Variants in MBNL1 observed in about 807,000 individuals in gnomAD.
MBNL1 encodes muscleblind-like protein 1.
MBNL1 carries 8 observed loss-of-function variants against 42.2 expected under a neutral mutation model. That is an observed-to-expected ratio of 0.19 (90% confidence interval 0.11 to 0.34). The LOEUF (loss-of-function observed/expected upper bound fraction) is 0.34. Among genes scored for constraint, MBNL1 ranks in the 10% least tolerant of loss-of-function variants. The pLI is 1.00. For synonymous variants in MBNL1, 169 were observed against 173.9 expected (o/e 0.97, Z 0.22); for missense variants, 309 against 495.3 (o/e 0.62, Z 3.57).
At chr3:152,340,687 A>G in intron 2 of MBNL1, 4 of 1,614,064 alleles carry the variant, frequency 2.5e-6, no homozygotes, top group Non-Finnish European at 3.4e-6. Context: ...ATACCTAGCA[A>G]GATCCCAGAT....
intron 2 of MBNL1, among the ~76,000 whole-genome samples, chr3:152,392,603 G>A (rs1268234080): frequency 6.6e-6 from 1 of 152,162 alleles, no homozygotes; most frequent in Non-Finnish European, 1.5e-5. Flanking sequence ...AATAATACAT[G>A]TCTGTTTTAA....
intron 3 of MBNL1, among the ~76,000 whole-genome samples, chr3:152,428,208 C>T (rs1412391350): frequency 6.6e-6 from 1 of 152,040 alleles, no homozygotes; most frequent in Non-Finnish European, 1.5e-5. Context: ...GTTTCTGTGG[C>T]AGAGAAAAGC....
chr3:152,278,951 A>C (rs563383406), intron 1 of MBNL1, among the ~76,000 whole-genome samples: 2 of 152,260 alleles, frequency 1.3e-5, no homozygotes, highest in South Asian at 4.1e-4. Flanking sequence ...TTAGTACCAA[A>C]GGAGGAAACT....
chr3:152,382,982 G>C lies in MBNL1; in HGVS notation c.175-31959G>C, dbSNP rs1224596604. On this transcript the variant is annotated intron_variant, in intron 2 of 9. Transcript: ENST00000324210. ...AGATTTTTCTTCCAGCTCAAAACCA[G>C]GAGAAAGGAAGACCTGCCTGATTCC... 2.0e-5 allele frequency among the ~76,000 whole-genome samples: 3 copies of C among 152,044 alleles called. 1 individual carries two copies. Among genetic ancestry groups the C allele is most frequent in the Admixed American group, 1.3e-4 (2 of 15,242 alleles).
At chr3:152,415,606 A>G (rs2098686968) in intron 3 of MBNL1, among the ~76,000 whole-genome samples, 1 of 152,222 alleles carries the variant, frequency 6.6e-6, no homozygotes, top group Admixed American at 6.5e-5. Flanking sequence ...AAATTATTTC[A>G]TAGCTACAAA....
intron 1 of MBNL1, among the ~76,000 whole-genome samples, chr3:152,291,591 C>G (rs916495602): frequency 1.3e-5 from 2 of 152,146 alleles, no homozygotes; most frequent in African/African-American, 4.8e-5. Flanking sequence ...ATTAATTGTT[C>G]GTTTCCTCTG....
intron 2 of MBNL1, among the ~76,000 whole-genome samples, chr3:152,374,957 A>G (rs1324716963): frequency 6.6e-6 from 1 of 152,222 alleles, no homozygotes; most frequent in African/African-American, 2.4e-5. Flanking sequence ...CAAAGAAGAT[A>G]TCTTCTAAGA....
chr3:152,369,180 A>G (rs150143617), intron 2 of MBNL1, among the ~76,000 whole-genome samples: 34 of 152,166 alleles, frequency 2.2e-4, no homozygotes, highest in Admixed American at 2.2e-3. Context: ...TTTGAGATAC[A>G]TTCATCAATA....
chr3:152,447,523 G>C, intron 5 of MBNL1, 97 bp from the exon 6 acceptor site: 1 of 778,354 alleles, frequency 1.3e-6, no homozygotes. Context: ...CTGCTTGCTT[G>C]CTCATGCTTC....
intron 2 of MBNL1, among the ~76,000 whole-genome samples, chr3:152,364,361 C>T (rs533219644): frequency 6.6e-6 from 1 of 151,756 alleles, no homozygotes; most frequent in Non-Finnish European, 1.5e-5. Context: ...GACAATACAC[C>T]CTTTGTACTT....
rs377085228 is a variant in MBNL1 at position 152,360,126 on chromosome 3, T to A, written c.175-54815T>A. Among the ~76,000 whole-genome samples, 7 of 152,312 alleles carry A rather than the reference T, an allele frequency of 4.6e-5. No individual in the cohort carries two copies. The East Asian group carries it at 7.7e-4, about 17-fold the overall frequency. On this transcript the variant is annotated intron_variant, in intron 2 of 9. Coordinates refer to ENST00000324210, the MANE Select transcript of MBNL1 (RefSeq NM_021038.5). ...TGTTTAATCATCCTAATTTGTGATA[T>A]CCTTGTTCTGTCACTTTTTTAGTAT...
chr3:152,278,968 G>T (rs999585223), intron 1 of MBNL1, among the ~76,000 whole-genome samples: 12 of 152,212 alleles, frequency 7.9e-5, no homozygotes, highest in Admixed American at 4.6e-4. Context: ...AACTGAAAGA[G>T]GGAAGGAAAT....
chr3:152,357,022 T>G (rs572423481), intron 2 of MBNL1, among the ~76,000 whole-genome samples: 5 of 152,202 alleles, frequency 3.3e-5, no homozygotes, highest in Non-Finnish European at 7.4e-5. Context: ...AACCTCCAAT[T>G]CACCATGCTA....
intron 2 of MBNL1, among the ~76,000 whole-genome samples, chr3:152,325,715 C>A (rs529274710): frequency 4.0e-5 from 6 of 148,894 alleles, no homozygotes; most frequent in African/African-American, 1.5e-4. Context: ...TGTTTGTAAA[C>A]CAGGTTTTGT....
chr3:152,378,102 C>A, intron 2 of MBNL1, among the ~76,000 whole-genome samples: 1 of 152,106 alleles, frequency 6.6e-6, no homozygotes, highest in African/African-American at 2.4e-5. Context: ...TTTGAGAAGC[C>A]AAGGCAGGAA....
chr3:152,328,880 G>A (rs1023251373), intron 2 of MBNL1, among the ~76,000 whole-genome samples: 1 of 152,076 alleles, frequency 6.6e-6, no homozygotes, highest in Non-Finnish European at 1.5e-5. Context: ...TGAACAGCAC[G>A]AAACTTGACA....
rs184810173 is a variant in MBNL1 at position 152,443,324 on chromosome 3, C to A, written c.550-1958C>A. Among the ~76,000 whole-genome samples the A allele has an allele frequency of 1.7e-3, 252 of 152,052 alleles. 1 individual carries two copies. The highest frequency in any genetic ancestry group is 2.5e-3 in the Non-Finnish European group (167 of 67,978). Reference sequence around the variant, plus strand: ...TTCCCTGCTGCCAATTCATTTTGAGCATATTCAAGAAAGCAGGAATTACTG... The same window carrying A: ...TTCCCTGCTGCCAATTCATTTTGAGAATATTCAAGAAAGCAGGAATTACTG... On this transcript the variant is annotated intron_variant, in intron 4 of 9. Transcript: ENST00000324210.
chr3:152,355,797 CTAAG>C (rs1433439041), intron 2 of MBNL1, among the ~76,000 whole-genome samples: 1 of 152,166 alleles, frequency 6.6e-6, no homozygotes, highest in East Asian at 1.9e-4. Flanking sequence ...AAATTATCTA[CTAAG>C]TGTGTGACTT....
At chr3:152,309,943 C>T (rs2065411819) in intron 2 of MBNL1, among the ~76,000 whole-genome samples, 2 of 152,162 alleles carry the variant, frequency 1.3e-5, no homozygotes, top group African/African-American at 4.8e-5. Flanking sequence ...TAATAAAATA[C>T]TTTAAAACCC....
Sources: allele counts gnomAD v4.1 joint callset (sites outside exome capture counted in the v4.1 genomes callset), GRCh38; gene constraint gnomAD v4.1.1; transcripts MANE v1.5; gene names NCBI Gene and HGNC (gene_info 2026-07-23, HGNC 2026-07-21).